Variants in BTBD16 observed in about 807,000 individuals in gnomAD.
The protein encoded by BTBD16 is BTB domain containing 16, also known as BTB/POZ domain-containing protein 16.
In BTBD16, 66 loss-of-function variants were observed where a neutral mutation model predicts 67.4. That is an observed-to-expected ratio of 0.98 (90% CI 0.80 to 1.20). BTBD16 has a LOEUF of 1.20. Ranked by LOEUF, BTBD16 falls within the 50% of genes most tolerant of loss-of-function variation. The pLI is 0.00. For synonymous variants in BTBD16, 242 were observed against 236.4 expected (o/e 1.02, Z -0.22); for missense variants, 634 against 616.0 (o/e 1.03, Z -0.31).
At chr10:122,311,121 A>T (rs1564999037) in intron 10 of BTBD16, among the ~76,000 whole-genome samples, 1 of 151,618 alleles carries the variant, frequency 6.6e-6, no homozygotes, top group African/African-American at 2.4e-5. Flanking sequence ...TTGTTCATTA[A>T]TTTTTTTTTC....
Position 122,317,698 on chromosome 10 carries a change from C to T in BTBD16, c.911+10390C>T, listed in dbSNP as rs534112293. Among the ~76,000 whole-genome samples, 4 of 152,000 alleles carry T rather than the reference C, an allele frequency of 2.6e-5. No individual in the cohort carries two copies. In the South Asian group the frequency reaches 8.3e-4, roughly 32 times the overall value. On this transcript the variant is annotated intron_variant, in intron 10 of 15. Transcript: ENST00000260723. ...CAAAAAAACAACAAAAAAAACTAAGCCACAAACACACGTATTAGCCTAGGT... is the reference window on the plus strand; with the variant it reads ...CAAAAAAACAACAAAAAAAACTAAGTCACAAACACACGTATTAGCCTAGGT...
At chr10:122,299,241 C>T in intron 9 of BTBD16, 107 bp downstream of exon 9, 1 of 1,336,576 alleles carries the variant, frequency 7.5e-7, no homozygotes. Context: ...CCACCTTAAG[C>T]TTCCTGCCCT....
rs578241388 is a variant in BTBD16, at chr10:122,325,479, A to T, written c.912-4001A>T. On this transcript the variant is annotated intron_variant, in intron 10 of 15. Coordinates refer to ENST00000260723, the MANE Select transcript of BTBD16 (RefSeq NM_144587.5). ...GCACCGTGCATGGAGGTAACAACAC[A>T]CACTCACCAGGACTGATGGGTAGGT... is the stretch of plus-strand genomic sequence containing the variant. Among the ~76,000 whole-genome samples, 5 of 152,238 alleles carry T rather than the reference A, an allele frequency of 3.3e-5. No individual in the cohort carries two copies. The South Asian group carries it at 6.2e-4, about 19-fold the overall frequency.
rs551665654 is a variant in BTBD16, at chr10:122,291,032, T to C, written c.476-48T>C. On this transcript the variant is annotated intron_variant, in intron 6 of 15. Coordinates refer to ENST00000260723, the MANE Select transcript of BTBD16 (RefSeq NM_144587.5). ...TGAGGGAGGGCGCTGGGTGGTGTCC[T>C]GTGTGCAGAGCCCCACACAGATGGC... 9 of 1,555,794 alleles carry C rather than the reference T, an allele frequency of 5.8e-6. No homozygotes were observed. In the East Asian group the frequency reaches 2.1e-4, roughly 36 times the overall value.
At chr10:122,329,410 C>G in intron 10 of BTBD16, 70 bp from the exon 11 acceptor site, 1 of 1,496,012 alleles carries the variant, frequency 6.7e-7, no homozygotes, top group Non-Finnish European at 9.2e-7. Context: ...ACATGGCTTT[C>G]CCTAGCCCGA....
intron 9 of BTBD16, chr10:122,303,745 A>C (rs1267705338): frequency 1.7e-6 from 1 of 573,846 alleles, no homozygotes; most frequent in Non-Finnish European, 2.2e-6. Context: ...AGCGAGTGCC[A>C]GTAAACACAC....
intron 6 of BTBD16, among the ~76,000 whole-genome samples, chr10:122,290,302 G>A (rs1165339637): frequency 6.6e-6 from 1 of 152,132 alleles, no homozygotes; most frequent in Non-Finnish European, 1.5e-5. Context: ...AAAAGGAATT[G>A]CTGCTTTAGG....
rs79213697 is a variant in BTBD16, at chr10:122,297,928, C to T, written c.660+91C>T. ...GGATTTTACCCACCAGGCCTACTTC[C>T]CCCCAGAATATCTATTTGAAGTCAT... On this transcript the variant is annotated intron_variant, in intron 8 of 15. Coordinates refer to ENST00000260723, the MANE Select transcript of BTBD16 (RefSeq NM_144587.5). 376 of 1,081,062 alleles carry T rather than the reference C, an allele frequency of 3.5e-4. 4 individuals are homozygous for T. The East Asian group carries it at 8.5e-3, about 24-fold the overall frequency. 67.0% of individuals were successfully genotyped at this position (1,081,062 alleles called of 1,614,324 possible). A position where few individuals can be genotyped will look rare whatever the true frequency, so the allele number is the denominator to read the frequency against.
chr10:122,318,838 G>A (rs867604696), intron 10 of BTBD16, among the ~76,000 whole-genome samples: 2 of 152,086 alleles, frequency 1.3e-5, no homozygotes, highest in South Asian at 2.1e-4. Flanking sequence ...CACCTGCCTC[G>A]GCCTCCCAAA....
At chr10:122,320,749 T>C (rs1190311928) in intron 10 of BTBD16, among the ~76,000 whole-genome samples, 1 of 152,238 alleles carries the variant, frequency 6.6e-6, no homozygotes, top group Non-Finnish European at 1.5e-5. Context: ...TTGTATGATT[T>C]TAGTTCTTTT....
At chr10:122,323,700 T>C (rs2096439335) in intron 10 of BTBD16, among the ~76,000 whole-genome samples, 2 of 152,200 alleles carry the variant, frequency 1.3e-5, no homozygotes, top group Non-Finnish European at 2.9e-5. Context: ...TGTAAATTAC[T>C]CACTTTACTA....
chr10:122,288,295 T>C (rs1248636777), intron 5 of BTBD16, among the ~76,000 whole-genome samples: 2 of 152,198 alleles, frequency 1.3e-5, no homozygotes, highest in African/African-American at 4.8e-5. Context: ...GTAGTCATAC[T>C]GGAGAAGAAT....
chr10:122,305,713 T>C (rs191171948), intron 9 of BTBD16, among the ~76,000 whole-genome samples: 3 of 152,302 alleles, frequency 2.0e-5, no homozygotes, highest in East Asian at 1.9e-4. Flanking sequence ...ACCCTATACA[T>C]AGTTTTTCAA....
rs915340043 is a variant in BTBD16, at chr10:122,338,111, T to G, written c.*26T>G. On this transcript the variant is annotated 3_prime_UTR_variant, in exon 16 of 16. Transcript: ENST00000260723. ...CAGTTTCCAGAAGAATCTATGGGAT[T>G]TTCCCCCCACTGGTCTGCATAAAAG... 1 of 1,535,258 alleles carries G rather than the reference T, an allele frequency of 6.5e-7. No individual in the cohort carries two copies. Among genetic ancestry groups the G allele is most frequent in the East Asian group, 2.2e-5 (1 of 44,498 alleles).
At chr10:122,275,792 G>A (rs894155555) in intron 2 of BTBD16, among the ~76,000 whole-genome samples, 1 of 152,020 alleles carries the variant, frequency 6.6e-6, no homozygotes, top group African/African-American at 2.4e-5. Flanking sequence ...TCTTTTTTAT[G>A]TAAATTGCTG....
At chr10:122,272,246 A>AAC (rs1470817691) in intron 1 of BTBD16, among the ~76,000 whole-genome samples, 2 of 152,246 alleles carry the variant, frequency 1.3e-5, no homozygotes, top group Non-Finnish European at 2.9e-5. Flanking sequence ...AGATGCTCTT[A>AAC]ACACACATGC....
intron 10 of BTBD16, among the ~76,000 whole-genome samples, chr10:122,312,954 G>A (rs1488387695): frequency 6.6e-6 from 1 of 152,196 alleles, no homozygotes; most frequent in Non-Finnish European, 1.5e-5. Flanking sequence ...TCAGCTCACT[G>A]CAAACTCTGC....
chr10:122,332,936 G>A, intron 13 of BTBD16: 1 of 985,368 alleles, frequency 1.0e-6, no homozygotes, highest in Non-Finnish European at 1.2e-6. Flanking sequence ...CTCAGTCTGG[G>A]CAGCTATTTT....
rs1318599986 is a variant in BTBD16, at chr10:122,286,184, C to T, written c.321C>T (p.Leu107=). The T allele has an allele frequency of 2.5e-6, 4 of 1,614,032 alleles. No individual in the cohort carries two copies. The East Asian group carries it at 8.9e-5, about 36-fold the overall frequency. ...TTCAGTCTGAGACCTTGGCCAAGCT[C>T]TACCTGAAAGCCCTGGCGCAGGGCA... ...QLFQSETLAK[L]YLKALAQGTT... Residue 107 remains leucine, a synonymous_variant, in exon 5 of 16, where the codon CTC becomes CTT. Transcript: ENST00000260723.
Sources: gnomAD v4.1 joint callset for allele counts (sites outside exome capture counted in the v4.1 genomes callset) on GRCh38, gnomAD v4.1.1 for gene constraint, MANE v1.5 for transcripts, NCBI Gene and HGNC (gene_info 2026-07-23, HGNC 2026-07-21) for gene names.